Variants in PCDHA8 observed in about 807,000 individuals in gnomAD.
PCDHA8 encodes protocadherin alpha-8.
Under a neutral mutation model 61.8 loss-of-function variants are expected in PCDHA8, and 53 were observed. The observed-to-expected ratio is 0.86, with a 90% confidence interval of 0.69 to 1.08. The LOEUF (loss-of-function observed/expected upper bound fraction) is 1.08, where lower values mean the gene tolerates loss of function less well. Among genes scored for constraint, PCDHA8 ranks in the 50% least tolerant of loss-of-function variants. The pLI is 0.00. For missense variants in PCDHA8, 1,293 were observed against 1,245.0 expected (o/e 1.04, Z -0.58); for synonymous variants, 618 against 556.6 (o/e 1.11, Z -1.55).
intron 1 of PCDHA8, chr5:140,969,250 C>T (rs1554231631): frequency 6.2e-7 from 1 of 1,614,216 alleles, no homozygotes; most frequent in Admixed American, 1.7e-5. Flanking sequence ...CAGTGACTGA[C>T]AGCAGGAATC....
intron 1 of PCDHA8, among the ~76,000 whole-genome samples, chr5:140,932,809 CAT>C (rs782729907): frequency 3.3e-5 from 5 of 151,746 alleles, no homozygotes; most frequent in Admixed American, 6.6e-5. Flanking sequence ...ACCTTGGAAA[CAT>C]ATAAGTGGGA....
intron 1 of PCDHA8, among the ~76,000 whole-genome samples, chr5:140,886,716 C>T (rs1160663504): frequency 1.3e-5 from 2 of 151,034 alleles, no homozygotes; most frequent in Non-Finnish European, 2.9e-5. Flanking sequence ...ATCCCAGCTA[C>T]TTGGGAGGCT....
In PCDHA8 at chr5:140,881,260, A is replaced by G. The variant is rs1223751140; in HGVS notation, c.2394+37545A>G. The G allele has an allele frequency of 7.6e-6, 4 of 528,232 alleles. No individual in the cohort carries two copies. In the African/African-American group the frequency reaches 8.2e-5, roughly 11 times the overall value. The allele number at this position is 528,232 out of a possible 1,614,324, so 32.7% of individuals were successfully genotyped here. On this transcript the variant is annotated intron_variant, in intron 1 of 3. Transcript: ENST00000531613. ...TTTAAATGACGGCAAGGTTTTACTC[A>G]GTGATGATGAAGTAAGATGGAGAGA... is the stretch of plus-strand genomic sequence containing the variant.
chr5:140,857,254 TTAC>T, intron 1 of PCDHA8: 1 of 1,598,512 alleles, frequency 6.3e-7, no homozygotes, highest in Non-Finnish European at 8.6e-7. Flanking sequence ...CCTACAAGAA[TTAC>T]TACTCATTGG....
intron 1 of PCDHA8, chr5:140,966,708 C>T (rs1033433543): frequency 1.7e-5 from 23 of 1,384,632 alleles, no homozygotes; most frequent in African/African-American, 6.1e-5. Context: ...GCGTGGGGCA[C>T]GGCTGGGGAA....
chr5:140,971,845 G>A (rs370364575), intron 1 of PCDHA8, among the ~76,000 whole-genome samples: 4 of 152,052 alleles, frequency 2.6e-5, no homozygotes, highest in Admixed American at 6.5e-5. Context: ...CAAGTCATGC[G>A]TTAAATATTT....
intron 1 of PCDHA8, among the ~76,000 whole-genome samples, chr5:140,880,638 T>C (rs1239160653): frequency 6.6e-6 from 1 of 152,134 alleles, no homozygotes; most frequent in Non-Finnish European, 1.5e-5. Flanking sequence ...ATCAATTCAC[T>C]TGAGAGCCCA....
intron 1 of PCDHA8, among the ~76,000 whole-genome samples, chr5:140,886,962 G>A (rs1017446014): frequency 6.6e-6 from 1 of 151,842 alleles, no homozygotes; most frequent in African/African-American, 2.4e-5. Context: ...ATTTAGCAAC[G>A]AAATTTATTA....
chr5:140,864,502 C>A (rs989482807), intron 1 of PCDHA8: 2 of 152,088 alleles, frequency 1.3e-5, no homozygotes, highest in African/African-American at 4.8e-5. Context: ...TTTAGCCTTG[C>A]CTTTAAAGGT....
At chr5:140,860,772 C>G (rs1554153719) in intron 1 of PCDHA8, 1 of 152,248 alleles carries the variant, frequency 6.6e-6, no homozygotes, top group African/African-American at 2.4e-5. Context: ...GAGTCTCGCT[C>G]TGTTGCCCAG....
intron 1 of PCDHA8, chr5:140,848,567 G>C (rs2150412959): frequency 6.3e-7 from 1 of 1,595,646 alleles, no homozygotes; most frequent in Non-Finnish European, 8.6e-7. Flanking sequence ...TCGCAATGTG[G>C]GTGGTGGGGA....
intron 1 of PCDHA8, chr5:140,875,971 CTT>C: frequency 6.2e-7 from 1 of 1,614,030 alleles, no homozygotes. Flanking sequence ...CGTAAACTCT[CTT>C]TTGACCTATG....
intron 1 of PCDHA8, among the ~76,000 whole-genome samples, chr5:140,909,201 C>G (rs1379290108): frequency 6.6e-6 from 1 of 152,136 alleles, no homozygotes; most frequent in Non-Finnish European, 1.5e-5. Flanking sequence ...GACACAAAGC[C>G]GGAGAGTTGA....
chr5:140,871,291 G>C, intron 1 of PCDHA8: 1 of 1,613,906 alleles, frequency 6.2e-7, no homozygotes, highest in Non-Finnish European at 8.5e-7. Flanking sequence ...CACTGAGGGC[G>C]CGTGCGCGCC....
At chr5:140,857,581 G>C (rs781800563) in intron 1 of PCDHA8, 4 of 1,596,740 alleles carry the variant, frequency 2.5e-6, no homozygotes, top group African/African-American at 1.3e-5. Flanking sequence ...CGGTGCACGC[G>C]GAGAGCGGCA....
chr5:140,895,687 T>G (rs1417809630), intron 1 of PCDHA8, among the ~76,000 whole-genome samples: 2 of 152,184 alleles, frequency 1.3e-5, no homozygotes, highest in African/African-American at 4.8e-5. Flanking sequence ...GTTTTCTGTT[T>G]CTATATTAAT....
At position 140,843,430 on chromosome 5, in the gene PCDHA8, C is replaced by T; in HGVS notation, c.2109C>T (p.Ala703=). The change falls in exon 1 of 4, where the codon GCC becomes GCT. Residue 703 remains alanine, a synonymous_variant. Transcript: ENST00000531613. ...LVDVNVYLII[A]ICAVSSLLVL... Reference sequence around the variant, plus strand: ...ATGTCAACGTGTACCTGATCATCGCCATCTGCGCGGTATCCAGCCTGCTGG... The same window carrying T: ...ATGTCAACGTGTACCTGATCATCGCTATCTGCGCGGTATCCAGCCTGCTGG... The T allele has an allele frequency of 6.3e-7, 1 of 1,596,170 alleles. No individual in the cohort carries two copies. Among genetic ancestry groups the T allele is most frequent in the Non-Finnish European group, 8.6e-7 (1 of 1,165,672 alleles).
intron 1 of PCDHA8, among the ~76,000 whole-genome samples, chr5:140,900,299 GAC>G (rs1372785177): frequency 6.6e-6 from 1 of 151,604 alleles, no homozygotes; most frequent in Non-Finnish European, 1.5e-5. Flanking sequence ...TGTTTTTTTA[GAC>G]AGTCTCACTT....
intron 1 of PCDHA8, among the ~76,000 whole-genome samples, chr5:140,973,558 T>C (rs1427190876): frequency 6.6e-6 from 1 of 152,238 alleles, no homozygotes; most frequent in Admixed American, 6.5e-5. Flanking sequence ...AATTACCTCT[T>C]TCCTCAATTT....
Sources: allele counts gnomAD v4.1 joint callset (sites outside exome capture counted in the v4.1 genomes callset), GRCh38; gene constraint gnomAD v4.1.1; transcripts MANE v1.5; gene names NCBI Gene and HGNC (gene_info 2026-07-23, HGNC 2026-07-21).